KCNT2: variants seen among roughly 807,000 people sequenced by gnomAD.
The protein encoded by KCNT2 is potassium sodium-activated channel subfamily T member 2.
A neutral mutation model predicts 153.8 loss-of-function variants in KCNT2; 67 were observed. The ratio of observed to expected loss-of-function variants is 0.44; its 90% CI spans 0.36 to 0.53. The LOEUF (loss-of-function observed/expected upper bound fraction) is 0.53, where lower values mean the gene tolerates loss of function less well. Ranked by LOEUF, KCNT2 falls within the 20% of genes least tolerant of loss-of-function variation. The pLI, the probability that KCNT2 is intolerant of heterozygous loss-of-function variation, is 0.00. For missense variants in KCNT2, 975 were observed against 1,354.8 expected (o/e 0.72, Z 4.40); for synonymous variants, 500 against 458.8 (o/e 1.09, Z -1.15).
chr1:196,245,174 T>C (rs535102328), intron 26 of KCNT2, among the ~76,000 whole-genome samples: 1 of 152,104 alleles, frequency 6.6e-6, no homozygotes, highest in South Asian at 2.1e-4. Context: ...ATGGCTGCAG[T>C]GACCAAAAAC....
intron 12 of KCNT2, among the ~76,000 whole-genome samples, chr1:196,420,562 G>A (rs766394444): frequency 4.6e-5 from 7 of 151,710 alleles, no homozygotes; most frequent in Non-Finnish European, 1.0e-4. Flanking sequence ...TATTGCACTG[G>A]GGAACACCAG....
At chr1:196,570,038 C>T (rs1290481128) in intron 1 of KCNT2, among the ~76,000 whole-genome samples, 1 of 142,548 alleles carries the variant, frequency 7.0e-6, no homozygotes, top group Non-Finnish European at 1.5e-5. Context: ...AACAAAAAGC[C>T]TCCTGAGTCC....
intron 1 of KCNT2, among the ~76,000 whole-genome samples, chr1:196,497,679 G>A (rs1680364011): frequency 6.6e-6 from 1 of 151,994 alleles, no homozygotes; most frequent in Non-Finnish European, 1.5e-5. Context: ...AGTAATGGAT[G>A]GGTATTGATT....
At chr1:196,540,099 C>T (rs992258181) in intron 1 of KCNT2, among the ~76,000 whole-genome samples, 1 of 152,130 alleles carries the variant, frequency 6.6e-6, no homozygotes, top group Non-Finnish European at 1.5e-5. Flanking sequence ...ATACTACCTA[C>T]ATTATGAATA....
At chr1:196,298,899 C>T (rs1280983802) in intron 22 of KCNT2, among the ~76,000 whole-genome samples, 2 of 150,594 alleles carry the variant, frequency 1.3e-5, no homozygotes, top group Admixed American at 6.7e-5. Flanking sequence ...GGGACAAAGA[C>T]CAAGTATTTA....
chr1:196,276,630 T>C (rs1658596681), intron 25 of KCNT2, among the ~76,000 whole-genome samples: 2 of 152,036 alleles, frequency 1.3e-5, no homozygotes, highest in African/African-American at 4.8e-5. Flanking sequence ...ATTTTACTCA[T>C]TCATTCTGGT....
intron 1 of KCNT2, among the ~76,000 whole-genome samples, chr1:196,502,335 G>A (rs1340117750): frequency 6.6e-6 from 1 of 152,074 alleles, no homozygotes; most frequent in Non-Finnish European, 1.5e-5. Context: ...GCATAATGAA[G>A]GAAAGATTAA....
intron 1 of KCNT2, among the ~76,000 whole-genome samples, chr1:196,540,781 T>C (rs960285512): frequency 6.6e-6 from 1 of 152,148 alleles, no homozygotes; most frequent in Non-Finnish European, 1.5e-5. Flanking sequence ...AAGATATCTA[T>C]TTAGGCCAGG....
chr1:196,287,151 A>G (rs1425350720), intron 22 of KCNT2, among the ~76,000 whole-genome samples: 1 of 152,048 alleles, frequency 6.6e-6, no homozygotes, highest in Admixed American at 6.6e-5. Flanking sequence ...GCGGTTCCAC[A>G]TTTTTGTCTA....
At chr1:196,590,675 T>C (rs1239498270) in intron 1 of KCNT2, among the ~76,000 whole-genome samples, 2 of 152,186 alleles carry the variant, frequency 1.3e-5, no homozygotes, top group African/African-American at 4.8e-5. Context: ...GTTGATCTAC[T>C]TTAAAATTTT....
chr1:196,496,891 A>G (rs960415260), intron 1 of KCNT2, among the ~76,000 whole-genome samples: 3 of 152,230 alleles, frequency 2.0e-5, no homozygotes, highest in African/African-American at 4.8e-5. Context: ...CCACGCAGAC[A>G]TGGACAGAAT....
rs2148733863 is a variant in KCNT2 at position 196,492,323 on chromosome 1, A to G, written c.114T>C (p.Tyr38=). The G allele has an allele frequency of 2.1e-6, 3 of 1,432,820 alleles. No homozygotes were observed. The highest frequency in any genetic ancestry group is 2.8e-6 in the Non-Finnish European group (3 of 1,068,224). 88.8% of individuals were successfully genotyped at this position (1,432,820 alleles called of 1,614,324 possible). A position where few individuals can be genotyped will look rare whatever the true frequency, so the allele number is the denominator to read the frequency against. ...TTTCTTTAAATGTATTTTCATTCAT[A>G]TAGAATTCAACTTGTACCCTGCAAA... ...QNDDRVQVEF[Y]MNENTFKERL... is the part of the protein sequence containing the mutation. The change falls in exon 2 of 28, where the codon TAT becomes TAC. Residue 38 remains tyrosine (Y), a synonymous_variant. Coordinates refer to ENST00000294725, the MANE Select transcript of KCNT2 (RefSeq NM_198503.5).
intron 8 of KCNT2, among the ~76,000 whole-genome samples, chr1:196,440,958 C>G (rs1270463351): frequency 6.6e-6 from 1 of 151,776 alleles, no homozygotes; most frequent in Non-Finnish European, 1.5e-5. Flanking sequence ...AGACCCACAG[C>G]AGCCAAACAA....
At chr1:196,552,401 C>T (rs1178799977) in intron 1 of KCNT2, among the ~76,000 whole-genome samples, 1 of 151,264 alleles carries the variant, frequency 6.6e-6, no homozygotes, top group Non-Finnish European at 1.5e-5. Flanking sequence ...TACTTTTACC[C>T]TAGAATAATG....
chr1:196,579,244 G>A (rs909166508), intron 1 of KCNT2, among the ~76,000 whole-genome samples: 1 of 152,046 alleles, frequency 6.6e-6, no homozygotes, highest in Non-Finnish European at 1.5e-5. Flanking sequence ...AATACAGCAT[G>A]TCCTCACATA....
At chr1:196,538,535 T>C (rs2148866486) in intron 1 of KCNT2, among the ~76,000 whole-genome samples, 1 of 152,316 alleles carries the variant, frequency 6.6e-6, no homozygotes, top group South Asian at 2.1e-4. Context: ...GCATTAGCAG[T>C]GTAATTATAC....
At chr1:196,423,583 T>G (rs1673395246) in intron 11 of KCNT2, among the ~76,000 whole-genome samples, 1 of 151,732 alleles carries the variant, frequency 6.6e-6, no homozygotes, top group African/African-American at 2.4e-5. Context: ...CCCCTTCCCC[T>G]CATACTAGGG....
Position 196,370,568 on chromosome 1 carries a change from G to T in KCNT2, c.1403+2572C>A, listed in dbSNP as rs1182029104. 6.6e-5 allele frequency among the ~76,000 whole-genome samples: 10 copies of T among 151,908 alleles called. No homozygotes were observed. The East Asian group carries it at 1.7e-3, about 27-fold the overall frequency. On this transcript the variant is annotated intron_variant, in intron 14 of 27. Coordinates refer to ENST00000294725, the MANE Select transcript of KCNT2 (RefSeq NM_198503.5). ...GATAAAAAAAAGCGCGGATAATTAC[G>T]AATACTGCTGATGATGTAAAGAAAG...
intron 1 of KCNT2, among the ~76,000 whole-genome samples, chr1:196,520,479 T>G (rs1415842841): frequency 6.6e-6 from 1 of 151,642 alleles, no homozygotes; most frequent in African/African-American, 2.4e-5. Context: ...AAGAAAGAAA[T>G]AAAGGGCATC....
Sources: allele counts gnomAD v4.1 joint callset (sites outside exome capture counted in the v4.1 genomes callset), GRCh38; gene constraint gnomAD v4.1.1; transcripts MANE v1.5; gene names NCBI Gene and HGNC (gene_info 2026-07-23, HGNC 2026-07-21).